The following ZMYM6 variants were observed in gnomAD, a reference collection of about 807,000 sequenced individuals.
The protein encoded by ZMYM6 is zinc finger MYM-type containing 6, also known as zinc finger MYM-type protein 6.
Under a neutral mutation model 134.0 loss-of-function variants are expected in ZMYM6, and 90 were observed. The ratio of observed to expected loss-of-function variants is 0.67; its 90% CI spans 0.57 to 0.80. The LOEUF is 0.80. ZMYM6 is among the 30% of genes least tolerant of loss of function. The pLI is 0.00. For missense variants in ZMYM6, 1,362 were observed against 1,533.9 expected, an observed-to-expected ratio of 0.89 and a Z score of 1.87; for synonymous variants, 481 against 524.1, an observed-to-expected ratio of 0.92 and a Z score of 1.12.
chr1:34,989,250 C>A (rs1640624896), intron 15 of ZMYM6: 1 of 1,056,306 alleles, frequency 9.5e-7, no homozygotes, highest in South Asian at 3.5e-5. Context: ...TAACAATAAA[C>A]TTTTTGGCTG....
Position 35,014,717 on chromosome 1 carries a change from T to C in ZMYM6, c.775A>G (p.Ser259Gly), listed in dbSNP as rs1315325273. Residue 259 changes from serine to glycine, a missense_variant, in exon 6 of 16, where the codon AGT (serine) becomes GGT (glycine). Coordinates refer to ENST00000357182, the MANE Select transcript of ZMYM6 (RefSeq NM_007167.4). ...CATACCTGCTTGTATGCCGTGACAC[T>C]TGTTGAACTAAAAACCTTCTGGGAT... is the stretch of plus-strand genomic sequence containing the variant. ...CQSQKVFSST[S>G]VTAYKQNSAQ... The C allele has an allele frequency of 1.2e-6, 2 of 1,613,988 alleles. No homozygotes were observed. Among genetic ancestry groups the C allele is most frequent in the East Asian group, 2.2e-5 (1 of 44,870 alleles).
intron 14 of ZMYM6, among the ~76,000 whole-genome samples, chr1:34,999,209 T>C (rs1157023314): frequency 2.6e-5 from 4 of 152,204 alleles, no homozygotes; most frequent in Non-Finnish European, 5.9e-5. Flanking sequence ...GAAGAAAGTA[T>C]TTCAAGAAAG....
intron 6 of ZMYM6, chr1:35,012,884 A>T (rs1641110916): frequency 1.0e-6 from 1 of 985,398 alleles, no homozygotes; most frequent in Non-Finnish European, 1.2e-6. Context: ...ACCAGAGAAG[A>T]CCAGCTAACC....
chr1:34,991,675 C>T (rs1411864513), intron 15 of ZMYM6, among the ~76,000 whole-genome samples: 1 of 151,974 alleles, frequency 6.6e-6, no homozygotes, highest in Non-Finnish European at 1.5e-5. Flanking sequence ...GAGGCTGAGA[C>T]AGGAGAATCG....
intron 4 of ZMYM6, chr1:35,017,552 G>A (rs1641227137): frequency 1.3e-5 from 2 of 152,068 alleles, no homozygotes; most frequent in South Asian, 2.1e-4. Flanking sequence ...GTGTTATATC[G>A]TAACATTTAC....
chr1:35,009,385 G>A (rs1301356123), intron 10 of ZMYM6, among the ~76,000 whole-genome samples: 1 of 152,164 alleles, frequency 6.6e-6, no homozygotes, highest in African/African-American at 2.4e-5. Flanking sequence ...GAATACAGGC[G>A]TGAGCCACTG....
At chr1:35,022,529 G>C (rs182600240) in intron 2 of ZMYM6, among the ~76,000 whole-genome samples, 68 of 152,226 alleles carry the variant, frequency 4.5e-4, no homozygotes, top group Middle Eastern at 3.4e-3. Context: ...CTCCCAAAGT[G>C]CTGGGATTAC....
intron 14 of ZMYM6, among the ~76,000 whole-genome samples, chr1:34,994,904 GTA>G (rs1273304998): frequency 5.0e-5 from 7 of 138,764 alleles, no homozygotes; most frequent in African/African-American, 2.2e-4. Flanking sequence ...ATACACACAT[GTA>G]TATATGTGTG....
chr1:34,988,635 C>T lies in ZMYM6; in HGVS notation c.2447G>A (p.Ser816Asn), dbSNP rs1244318212. The T allele has an allele frequency of 1.9e-6, 3 of 1,547,408 alleles. No individual in the cohort carries two copies. The highest frequency in any genetic ancestry group is 2.6e-6 in the Non-Finnish European group (3 of 1,145,828). ...QKSLEMECQN[S>N]SLKKCLLVEK... Reference sequence around the variant, plus strand: ...AACTAGTAAACACTTTTTTAAAGAACTATTTTGACATTCCATTTCTAAAGA... The same window carrying T: ...AACTAGTAAACACTTTTTTAAAGAATTATTTTGACATTCCATTTCTAAAGA... Residue 816 changes from serine to asparagine, a missense_variant, in exon 16 of 16, where the codon AGT becomes AAT. Ser to Asn is a conservative substitution (Grantham distance 46). This residue lies in a region of ZMYM6 where 824 missense variants were observed against 940.9 expected (regional missense o/e 0.88). Coordinates refer to ENST00000357182, the MANE Select transcript of ZMYM6 (RefSeq NM_007167.4).
At position 35,011,940 on chromosome 1, in the gene ZMYM6, T is replaced by C. The variant is rs568442370; in HGVS notation, c.1012A>G (p.Asn338Asp). The change falls in exon 8 of 16, where the codon AAT becomes GAT. Residue 338 changes from asparagine to aspartate, a missense_variant. Asn to Asp is a conservative substitution (Grantham distance 23). Coordinates refer to ENST00000357182, the MANE Select transcript of ZMYM6 (RefSeq NM_007167.4). ...CTGCAGAAGCTGTATATAGTTCCAT[T>C]TGACATGGCTAGGTGATACTGAGGG... ...AIPQYHLAMSNGTIYSFCSSS... is the reference protein window; with the variant it reads ...AIPQYHLAMSDGTIYSFCSSS... The C allele has an allele frequency of 3.1e-6, 5 of 1,611,366 alleles. No individual in the cohort carries two copies. In the African/African-American group the frequency reaches 5.3e-5, roughly 17 times the overall value.
At chr1:35,015,743 A>AAAAAATATATATATAT in intron 4 of ZMYM6, among the ~76,000 whole-genome samples, 2 of 106,460 alleles carry the variant, frequency 1.9e-5, no homozygotes, top group African/African-American at 1.3e-4. Flanking sequence ...AAAAAAAAAA[A>AAAAAATATATATATAT]ATATATATAT....
intron 11 of ZMYM6, 65 bp downstream of exon 11, chr1:35,008,687 C>A (rs1001927907): frequency 1.9e-4 from 285 of 1,530,696 alleles, no homozygotes; most frequent in Admixed American, 5.2e-4. Flanking sequence ...AATTTGAATA[C>A]ATTTTAAATA....
intron 2 of ZMYM6, among the ~76,000 whole-genome samples, chr1:35,029,019 C>T (rs1021764404): frequency 1.3e-4 from 20 of 151,220 alleles, no homozygotes; most frequent in Non-Finnish European, 2.2e-4. Flanking sequence ...GGTGAAACCC[C>T]GTCTCTACTA....
At chr1:35,030,946 ACT>A (rs1183105419) in intron 1 of ZMYM6, among the ~76,000 whole-genome samples, 4 of 152,008 alleles carry the variant, frequency 2.6e-5, no homozygotes, top group Non-Finnish European at 4.4e-5. Context: ...CACACAACAC[ACT>A]CTGGTTTTTT....
intron 2 of ZMYM6, 58 bp downstream of exon 2, chr1:35,030,489 T>C: frequency 6.5e-7 from 1 of 1,537,596 alleles, no homozygotes; most frequent in Non-Finnish European, 8.8e-7. Context: ...ATTTTTCAGT[T>C]GACCAGATGG....
chr1:35,015,194 T>A (rs773224918), intron 4 of ZMYM6, 32 bp from the exon 5 acceptor site: 52 of 1,545,746 alleles, frequency 3.4e-5, no homozygotes, highest in Non-Finnish European at 4.5e-5. Flanking sequence ...AAAAATGAAA[T>A]GTATTCTTCA....
chr1:34,990,204 G>T, intron 15 of ZMYM6: 1 of 176,606 alleles, frequency 5.7e-6, no homozygotes, highest in Non-Finnish European at 1.3e-5. Context: ...ATGATAGGCC[G>T]GCGCGGTGGC....
intron 14 of ZMYM6, among the ~76,000 whole-genome samples, chr1:35,000,018 T>A (rs1335264810): frequency 6.6e-6 from 1 of 152,072 alleles, no homozygotes; most frequent in East Asian, 1.9e-4. Flanking sequence ...GGCCTTGACC[T>A]ACCTTCTAGG....
At chr1:34,999,919 C>T (rs1014429314) in intron 14 of ZMYM6, among the ~76,000 whole-genome samples, 1 of 152,034 alleles carries the variant, frequency 6.6e-6, no homozygotes, top group African/African-American at 2.4e-5. Context: ...TTCACTGTAG[C>T]GGATATTTTT....
Sources: gnomAD v4.1 joint callset for allele counts (sites outside exome capture counted in the v4.1 genomes callset) on GRCh38, gnomAD v4.1.1 for gene constraint, gnomAD v4.1.1 regional missense constraint, MANE v1.5 for transcripts, NCBI Gene and HGNC (gene_info 2026-07-23, HGNC 2026-07-21) for gene names.